Variants in STXBP6 observed in about 807,000 individuals in gnomAD.
The protein encoded by STXBP6 is syntaxin binding protein 6.
Under a neutral mutation model 26.9 loss-of-function variants are expected in STXBP6, and 21 were observed. The ratio of observed to expected loss-of-function variants is 0.78; its 90% CI spans 0.55 to 1.12. STXBP6 has a LOEUF of 1.12. Ranked by LOEUF, STXBP6 falls within the 50% of genes most tolerant of loss-of-function variation. STXBP6 has a pLI of 0.00. For synonymous variants in STXBP6, 97 were observed against 92.6 expected (o/e 1.05, Z -0.27); for missense variants, 232 against 257.9 (o/e 0.90, Z 0.69).
chr14:24,910,468 A>G (rs1332343182), intron 2 of STXBP6, among the ~76,000 whole-genome samples: 1 of 152,236 alleles, frequency 6.6e-6, no homozygotes, highest in Admixed American at 6.5e-5. Flanking sequence ...TAAATGGATG[A>G]AAAATGGAAC....
intron 5 of STXBP6, chr14:24,817,392 T>G (rs2068008320): frequency 2.0e-5 from 3 of 152,264 alleles, no homozygotes; most frequent in Non-Finnish European, 2.9e-5. Flanking sequence ...GGTTTAATCA[T>G]TAACCTAAAC....
intron 1 of STXBP6, among the ~76,000 whole-genome samples, chr14:24,987,463 A>G (rs889319165): frequency 1.3e-5 from 2 of 152,244 alleles, no homozygotes; most frequent in African/African-American, 4.8e-5. Context: ...CCTGGGTCCA[A>G]CTGCTCCCAC....
intron 2 of STXBP6, among the ~76,000 whole-genome samples, chr14:24,892,890 C>T (rs2070845639): frequency 6.6e-6 from 1 of 152,206 alleles, no homozygotes; most frequent in African/African-American, 2.4e-5. Flanking sequence ...CTATCAATTA[C>T]TGTAACTAGA....
At chr14:25,026,143 A>C (rs1381149966) in intron 1 of STXBP6, among the ~76,000 whole-genome samples, 1 of 152,160 alleles carries the variant, frequency 6.6e-6, no homozygotes, top group African/African-American at 2.4e-5. Context: ...TCTGTAGGAG[A>C]AAGAGGATAA....
intron 1 of STXBP6, among the ~76,000 whole-genome samples, chr14:24,984,221 ACT>A (rs1033796676): frequency 5.3e-5 from 8 of 152,178 alleles, no homozygotes; most frequent in Non-Finnish European, 8.8e-5. Context: ...ACAGAGTGAG[ACT>A]CTGTCTTAAA....
At chr14:24,836,268 TA>T (rs2068608189) in intron 4 of STXBP6, among the ~76,000 whole-genome samples, 2 of 152,160 alleles carry the variant, frequency 1.3e-5, no homozygotes, top group African/African-American at 2.4e-5. Flanking sequence ...GTCAAACTAC[TA>T]AAGATAAATA....
At position 25,021,065 on chromosome 14, in the gene STXBP6, A is replaced by G. The variant is rs540076065; in HGVS notation, c.-33+28813T>C. On this transcript the variant is annotated intron_variant, in intron 1 of 5. Transcript: ENST00000323944. ...CTCCTCAATGACTAGTTCACTCTTAAACCTCCACCTAACACTTCTGACATC... is the reference window on the plus strand; with the variant it reads ...CTCCTCAATGACTAGTTCACTCTTAGACCTCCACCTAACACTTCTGACATC... Among the ~76,000 whole-genome samples the G allele has an allele frequency of 4.6e-5, 7 of 152,044 alleles. No homozygotes were observed. The East Asian group carries it at 1.4e-3, about 29-fold the overall frequency.
chr14:24,963,836 G>T (rs146920124), intron 2 of STXBP6, among the ~76,000 whole-genome samples: 2 of 152,136 alleles, frequency 1.3e-5, no homozygotes, highest in East Asian at 3.9e-4. Context: ...ATACATTAGA[G>T]AAATGTGCAT....
chr14:25,021,502 T>C (rs1173317821), intron 1 of STXBP6, among the ~76,000 whole-genome samples: 1 of 152,084 alleles, frequency 6.6e-6, no homozygotes. Flanking sequence ...TTTCACCTCC[T>C]ATTCATTTTT....
intron 5 of STXBP6, among the ~76,000 whole-genome samples, chr14:24,814,625 A>G (rs1262987107): frequency 6.6e-6 from 1 of 152,250 alleles, no homozygotes; most frequent in Non-Finnish European, 1.5e-5. Flanking sequence ...GCAGAAATAC[A>G]GTTAAGACTG....
At chr14:25,002,682 G>A (rs1182241796) in intron 1 of STXBP6, among the ~76,000 whole-genome samples, 1 of 151,410 alleles carries the variant, frequency 6.6e-6, no homozygotes, top group African/African-American at 2.4e-5. Context: ...TCTAAGTCCT[G>A]TTGAAGAAAC....
intron 2 of STXBP6, among the ~76,000 whole-genome samples, chr14:24,933,600 C>CT (rs905286535): frequency 9.9e-5 from 15 of 151,256 alleles, no homozygotes; most frequent in African/African-American, 2.4e-4. Flanking sequence ...TTTTATTTAA[C>CT]TTTTTTTTTG....
intron 4 of STXBP6, among the ~76,000 whole-genome samples, chr14:24,839,363 C>A (rs2068721092): frequency 6.8e-6 from 1 of 147,640 alleles, no homozygotes; most frequent in Non-Finnish European, 1.5e-5. Flanking sequence ...CCAATTCATA[C>A]AACACATGCT....
chr14:24,848,976 TCC>T (rs2069054644), intron 4 of STXBP6, among the ~76,000 whole-genome samples: 1 of 152,076 alleles, frequency 6.6e-6, no homozygotes, highest in Admixed American at 6.6e-5. Flanking sequence ...GAATGTCATG[TCC>T]CTAATAGTGC....
chr14:24,997,229 G>T (rs1045064040), intron 1 of STXBP6, among the ~76,000 whole-genome samples: 1 of 152,046 alleles, frequency 6.6e-6, no homozygotes, highest in Non-Finnish European at 1.5e-5. Flanking sequence ...ACTCACATAC[G>T]CAGGTGCTCA....
chr14:24,839,741 ATAGGTAC>A (rs1316800139), intron 4 of STXBP6, among the ~76,000 whole-genome samples: 3 of 152,166 alleles, frequency 2.0e-5, no homozygotes, highest in Non-Finnish European at 4.4e-5. Context: ...ACTTTGGGAG[ATAGGTAC>A]TATTATTATC....
intron 4 of STXBP6, among the ~76,000 whole-genome samples, chr14:24,837,978 C>A (rs940326515): frequency 1.3e-5 from 2 of 152,208 alleles, no homozygotes; most frequent in Non-Finnish European, 2.9e-5. Context: ...TTATTAAATT[C>A]TGATCAAAGA....
intron 1 of STXBP6, among the ~76,000 whole-genome samples, chr14:25,040,710 T>C (rs2075629232): frequency 6.6e-6 from 1 of 152,206 alleles, no homozygotes; most frequent in African/African-American, 2.4e-5. Context: ...TGTTTATTGA[T>C]TCTCTACTGT....
chr14:24,997,259 C>A (rs17109462), intron 1 of STXBP6, among the ~76,000 whole-genome samples: 17,276 of 152,164 alleles, frequency 0.11, 1,059 homozygotes, highest in African/African-American at 0.14. Flanking sequence ...GCCAAGTCAA[C>A]CTTCTTGTAC....
Sources: allele counts gnomAD v4.1 joint callset (sites outside exome capture counted in the v4.1 genomes callset), GRCh38; gene constraint gnomAD v4.1.1; transcripts MANE v1.5; gene names NCBI Gene and HGNC (gene_info 2026-07-23, HGNC 2026-07-21).